Variants in TFPI observed in about 807,000 individuals in gnomAD.
The protein encoded by TFPI is anti-convertin.
A neutral mutation model predicts 34.6 loss-of-function variants in TFPI; 15 were observed. That is an observed-to-expected ratio of 0.43 (90% CI 0.29 to 0.67). TFPI has a LOEUF of 0.67. Ranked by LOEUF, TFPI falls within the 30% of genes least tolerant of loss-of-function variation. TFPI has a pLI of 0.15. For missense variants in TFPI, 301 were observed against 364.0 expected (o/e 0.83, Z 1.41); for synonymous variants, 105 against 120.1 (o/e 0.87, Z 0.82).
At chr2:187,472,269 A>G (rs1692086136) in intron 6 of TFPI, among the ~76,000 whole-genome samples, 1 of 152,152 alleles carries the variant, frequency 6.6e-6, no homozygotes, top group African/African-American at 2.4e-5. Context: ...TCATTTTATG[A>G]GTTGACTACA....
intron 1 of TFPI, among the ~76,000 whole-genome samples, chr2:187,512,901 A>G (rs1574468266): frequency 6.6e-6 from 1 of 152,324 alleles, no homozygotes; most frequent in African/African-American, 2.4e-5. Flanking sequence ...ATGTCAAAGA[A>G]TTGTCTGTGA....
At chr2:187,553,197 T>C (rs922678670) in intron 1 of TFPI, among the ~76,000 whole-genome samples, 9 of 151,996 alleles carry the variant, frequency 5.9e-5, no homozygotes, top group Non-Finnish European at 1.3e-4. Context: ...TGTCACAACT[T>C]TCCCCCTTTC....
chr2:187,479,358 C>G (rs1387310222), intron 6 of TFPI, among the ~76,000 whole-genome samples: 1 of 150,758 alleles, frequency 6.6e-6, no homozygotes, highest in South Asian at 2.1e-4. Flanking sequence ...TCCTTTTTGT[C>G]TCTCTCTCTC....
At chr2:187,540,179 A>C (rs1412672075) in intron 1 of TFPI, among the ~76,000 whole-genome samples, 1 of 152,164 alleles carries the variant, frequency 6.6e-6, no homozygotes. Context: ...CTAGGATTAC[A>C]GGCGTGAGTC....
intron 1 of TFPI, chr2:187,515,543 T>C (rs1262215279): frequency 2.0e-5 from 3 of 152,118 alleles, no homozygotes; most frequent in Non-Finnish European, 4.4e-5. Flanking sequence ...CTGAAGAAGA[T>C]GACAAGCGCT....
At chr2:187,501,144 A>C (rs1685823661) in intron 2 of TFPI, among the ~76,000 whole-genome samples, 1 of 152,196 alleles carries the variant, frequency 6.6e-6, no homozygotes, top group African/African-American at 2.4e-5. Flanking sequence ...GCCAGCGGCC[A>C]TGAGAAAGCA....
At position 187,529,746 on chromosome 2, in the gene TFPI, G is replaced by A. The variant is rs1483858304; in HGVS notation, c.-3+24454C>T. 2.0e-5 allele frequency among the ~76,000 whole-genome samples: 3 copies of A among 152,136 alleles called. No individual in the cohort carries two copies. The East Asian group carries it at 5.8e-4, about 29-fold the overall frequency. ...GTTTGTCTTGGAAGTGGGGGTCACTGCCTTTCTATCAGTAGGCTGGAGCTG... is the reference window on the plus strand; with the variant it reads ...GTTTGTCTTGGAAGTGGGGGTCACTACCTTTCTATCAGTAGGCTGGAGCTG... On this transcript the variant is annotated intron_variant, in intron 1 of 7. Coordinates refer to ENST00000233156, the MANE Select transcript of TFPI (RefSeq NM_006287.6).
At chr2:187,484,609 A>G in intron 5 of TFPI, 1 of 517,518 alleles carries the variant, frequency 1.9e-6, no homozygotes, top group South Asian at 3.4e-5. Flanking sequence ...GCAACATAAA[A>G]AGTATTAGAT....
At chr2:187,508,689 A>G (rs1311771876) in intron 1 of TFPI, among the ~76,000 whole-genome samples, 2 of 152,108 alleles carry the variant, frequency 1.3e-5, no homozygotes, top group Non-Finnish European at 2.9e-5. Context: ...GCTTAAGGAG[A>G]TTTGGGGCTG....
At chr2:187,472,217 T>A (rs1692082020) in intron 6 of TFPI, among the ~76,000 whole-genome samples, 1 of 152,140 alleles carries the variant, frequency 6.6e-6, no homozygotes, top group African/African-American at 2.4e-5. Context: ...TGTCTCCACA[T>A]TTTTATATAG....
At chr2:187,488,650 CTA>C (rs1156910923) in intron 3 of TFPI, among the ~76,000 whole-genome samples, 1 of 151,356 alleles carries the variant, frequency 6.6e-6, no homozygotes, top group East Asian at 1.9e-4. Flanking sequence ...TTCATAGTGA[CTA>C]TGTTTACTGT....
At chr2:187,508,791 T>G (rs1394778476) in intron 1 of TFPI, among the ~76,000 whole-genome samples, 1 of 152,206 alleles carries the variant, frequency 6.6e-6, no homozygotes, top group African/African-American at 2.4e-5. Flanking sequence ...CTTTATTTCT[T>G]TCTCTTGCCT....
At chr2:187,499,239 A>C (rs1229229951) in intron 2 of TFPI, among the ~76,000 whole-genome samples, 1 of 151,958 alleles carries the variant, frequency 6.6e-6, no homozygotes, top group African/African-American at 2.4e-5. Context: ...TATAAATATG[A>C]GCACTTCATG....
intron 6 of TFPI, among the ~76,000 whole-genome samples, chr2:187,477,314 A>C (rs558502742): frequency 6.6e-6 from 1 of 152,218 alleles, no homozygotes; most frequent in Non-Finnish European, 1.5e-5. Flanking sequence ...AACTTGTCAG[A>C]AAATCAGAAT....
intron 1 of TFPI, among the ~76,000 whole-genome samples, chr2:187,551,320 T>C (rs910325564): frequency 4.6e-5 from 7 of 152,132 alleles, no homozygotes; most frequent in Admixed American, 2.0e-4. Flanking sequence ...GAAGTAATTT[T>C]AACACCTGGT....
At chr2:187,472,938 G>A (rs185128591) in intron 6 of TFPI, among the ~76,000 whole-genome samples, 307 of 152,128 alleles carry the variant, frequency 2.0e-3, no homozygotes, top group Non-Finnish European at 3.4e-3. Context: ...CTTGAACTCC[G>A]GAGGTGGAGG....
chr2:187,541,832 G>C (rs1323969927), intron 1 of TFPI, among the ~76,000 whole-genome samples: 1 of 152,114 alleles, frequency 6.6e-6, no homozygotes, highest in African/African-American at 2.4e-5. Flanking sequence ...CAGCAAAGCA[G>C]GAGAAAACTT....
chr2:187,493,038 T>C (rs1328214667), intron 3 of TFPI, among the ~76,000 whole-genome samples: 2 of 152,128 alleles, frequency 1.3e-5, no homozygotes, highest in Non-Finnish European at 2.9e-5. Flanking sequence ...AGTGCCCCAG[T>C]AGGGAATCTG....
intron 1 of TFPI, among the ~76,000 whole-genome samples, chr2:187,543,706 T>C (rs1688701674): frequency 6.6e-6 from 1 of 152,198 alleles, no homozygotes; most frequent in Non-Finnish European, 1.5e-5. Flanking sequence ...GGTGATTCCA[T>C]TAACTTTATA....
Sources: allele counts gnomAD v4.1 joint callset (sites outside exome capture counted in the v4.1 genomes callset), GRCh38; gene constraint gnomAD v4.1.1; transcripts MANE v1.5; gene names NCBI Gene and HGNC (gene_info 2026-07-23, HGNC 2026-07-21).